CLASP1: variants seen among roughly 807,000 people sequenced by gnomAD.
The protein encoded by CLASP1 is cytoplasmic linker associated protein 1, also known as CLIP-associating protein 1.
CLASP1 carries 38 observed loss-of-function variants against 192.3 expected under a neutral mutation model. The observed-to-expected ratio is 0.20, with a 90% confidence interval of 0.15 to 0.26. CLASP1 has a LOEUF of 0.26. CLASP1 is among the 10% of genes least tolerant of loss of function. The pLI is 1.00. For missense variants in CLASP1, 1,433 were observed against 1,932.5 expected, an observed-to-expected ratio of 0.74 and a Z score of 4.85; for synonymous variants, 691 against 712.8, an observed-to-expected ratio of 0.97 and a Z score of 0.49.
At chr2:121,465,254 T>G (rs1036700555) in intron 9 of CLASP1, among the ~76,000 whole-genome samples, 1 of 152,174 alleles carries the variant, frequency 6.6e-6, no homozygotes, top group African/African-American at 2.4e-5. Flanking sequence ...ATGACATGAT[T>G]GTATATCTAG....
At chr2:121,603,422 T>C (rs1423943340) in intron 2 of CLASP1, among the ~76,000 whole-genome samples, 2 of 151,946 alleles carry the variant, frequency 1.3e-5, no homozygotes, top group Non-Finnish European at 1.5e-5. Context: ...AGACAAAAAA[T>C]AATAAATGCT....
intron 1 of CLASP1, among the ~76,000 whole-genome samples, chr2:121,620,551 T>C (rs2067168565): frequency 6.6e-6 from 1 of 152,102 alleles, no homozygotes; most frequent in African/African-American, 2.4e-5. Flanking sequence ...GGTTTCACCA[T>C]ATTGGCCAGG....
chr2:121,509,956 C>G (rs2094073107), intron 7 of CLASP1, among the ~76,000 whole-genome samples: 1 of 152,044 alleles, frequency 6.6e-6, no homozygotes, highest in South Asian at 2.1e-4. Context: ...AAGAAACAAA[C>G]AAATGTAGAA....
At position 121,429,954 on chromosome 2, in the gene CLASP1, G is replaced by A. The variant is rs541501435; in HGVS notation, c.2017+119C>T. 5.5e-6 allele frequency: 4 copies of A among 723,824 alleles called. No homozygotes were observed. In the African/African-American group the frequency reaches 7.1e-5, roughly 13 times the overall value. The allele number at this position is 723,824 out of a possible 1,614,324, so 44.8% of individuals were successfully genotyped here. On this transcript the variant is annotated intron_variant, in intron 20 of 39. Coordinates refer to ENST00000263710, the Ensembl canonical transcript of CLASP1. ...CAGTAAGATTACTCACAGTATCTCA[G>A]AGCCACAAAAAATGTGTTTTTCCCT...
chr2:121,384,931 T>C (rs1272228963), intron 32 of CLASP1, among the ~76,000 whole-genome samples: 1 of 152,120 alleles, frequency 6.6e-6, no homozygotes, highest in African/African-American at 2.4e-5. Context: ...TAATTGGTAA[T>C]AGCTTTTCCC....
intron 1 of CLASP1, among the ~76,000 whole-genome samples, chr2:121,645,402 C>T (rs1234469423): frequency 6.6e-6 from 1 of 152,192 alleles, no homozygotes; most frequent in African/African-American, 2.4e-5. Context: ...TGCAGTGTGA[C>T]ACTGATGATC....
chr2:121,418,895 G>A (rs916888924), intron 22 of CLASP1, among the ~76,000 whole-genome samples, 166 bp from the exon 23 acceptor site: 2 of 152,156 alleles, frequency 1.3e-5, no homozygotes, highest in Non-Finnish European at 2.9e-5. Context: ...ACTGACTGAC[G>A]TGCCAACGGG....
chr2:121,629,857 T>C (rs890754668), intron 1 of CLASP1, among the ~76,000 whole-genome samples: 2 of 103,696 alleles, frequency 1.9e-5, no homozygotes, highest in Admixed American at 1.8e-4. Context: ...AATAAAAACT[T>C]TTTTTTATAT....
intron 6 of CLASP1, among the ~76,000 whole-genome samples, chr2:121,516,989 A>C (rs969347072): frequency 2.0e-5 from 3 of 152,198 alleles, no homozygotes; most frequent in African/African-American, 7.2e-5. Context: ...GTGCCACTGC[A>C]CTCCAGCCTG....
At chr2:121,377,744 C>T in intron 33 of CLASP1, 95 bp from the exon 35 acceptor site, 1 of 880,440 alleles carries the variant, frequency 1.1e-6, no homozygotes, top group Non-Finnish European at 1.6e-6. Flanking sequence ...AAGAATAAGA[C>T]ATATTTATAG....
chr2:121,632,216 C>G (rs749979900), intron 1 of CLASP1, among the ~76,000 whole-genome samples: 1 of 152,084 alleles, frequency 6.6e-6, no homozygotes, highest in Non-Finnish European at 1.5e-5. Flanking sequence ...TGTACTCTAG[C>G]CTGGGCGACA....
Position 121,365,219 on chromosome 2 carries a change from C to T in CLASP1, c.3952G>A (p.Val1318Met), listed in dbSNP as rs776244163. 13 of 1,613,724 alleles carry T rather than the reference C, an allele frequency of 8.1e-6. No individual in the cohort carries two copies. The African/African-American group carries it at 1.2e-4, about 15-fold the overall frequency. ...AGCAGGGCTCCCTTCCGTTCCTCCA[C>T]TCGCTCATTGTGGTTGGACAGCTCT... is the stretch of plus-strand genomic sequence containing the variant. The change falls in exon 36 of 40, where the codon GTG (valine) becomes ATG (methionine). Residue 1318 changes from valine to methionine, a missense_variant. Val to Met is a conservative substitution (Grantham distance 21). Around this residue, in one of 8 missense-constraint regions of CLASP1, gnomAD observed 336 missense variants for 358.0 expected, o/e 0.94. Coordinates refer to ENST00000263710, the Ensembl canonical transcript of CLASP1.
At chr2:121,528,352 A>T (rs1426478301) in intron 4 of CLASP1, among the ~76,000 whole-genome samples, 1 of 152,110 alleles carries the variant, frequency 6.6e-6, no homozygotes, top group East Asian at 1.9e-4. Flanking sequence ...AGGCCTCCTG[A>T]CTCCCCAGAC....
intron 1 of CLASP1, among the ~76,000 whole-genome samples, chr2:121,630,218 C>A (rs1256881626): frequency 1.3e-5 from 2 of 152,162 alleles, no homozygotes; most frequent in Non-Finnish European, 2.9e-5. Context: ...CCACGCCCAG[C>A]CTCTATTCCT....
chr2:121,385,566 T>C (rs2073016961), intron 32 of CLASP1, among the ~76,000 whole-genome samples: 1 of 152,224 alleles, frequency 6.6e-6, no homozygotes, highest in Admixed American at 6.5e-5. Context: ...TGATGAATGA[T>C]ACTAACAGCA....
intron 21 of CLASP1, among the ~76,000 whole-genome samples, chr2:121,426,489 C>CA (rs1205826972): frequency 6.6e-6 from 1 of 152,134 alleles, no homozygotes; most frequent in Non-Finnish European, 1.5e-5. Flanking sequence ...CAGAAATTGA[C>CA]AGAGCAGTCA....
chr2:121,604,521 A>T (rs1169037639), intron 2 of CLASP1, among the ~76,000 whole-genome samples: 1 of 152,092 alleles, frequency 6.6e-6, no homozygotes, highest in Non-Finnish European at 1.5e-5. Context: ...TACAAAAATT[A>T]GCTGGGCATG....
chr2:121,638,995 G>GA (rs1169092988), intron 1 of CLASP1, among the ~76,000 whole-genome samples: 1 of 152,156 alleles, frequency 6.6e-6, no homozygotes, highest in Non-Finnish European at 1.5e-5. Context: ...GCGCAAATGG[G>GA]GCCAGGTGCG....
intron 2 of CLASP1, among the ~76,000 whole-genome samples, chr2:121,597,987 T>A (rs2063338293): frequency 6.6e-6 from 1 of 152,182 alleles, no homozygotes; most frequent in Admixed American, 6.5e-5. Context: ...CAGCTGGAAG[T>A]GAGTGCAAGA....
Sources: allele counts gnomAD v4.1 joint callset (sites outside exome capture counted in the v4.1 genomes callset), GRCh38; gene constraint gnomAD v4.1.1; regional missense constraint gnomAD v4.1.1; transcripts MANE v1.5; gene names NCBI Gene and HGNC (gene_info 2026-07-23, HGNC 2026-07-21).